Variants in EPHB4 observed in about 807,000 individuals in gnomAD.
EPHB4 encodes ephrin type-B receptor 4.
EPHB4 carries 50 observed loss-of-function variants against 110.6 expected under a neutral mutation model. The observed-to-expected ratio is 0.45, with a 90% confidence interval of 0.36 to 0.57. EPHB4 has a LOEUF of 0.57. Ranked by LOEUF, EPHB4 falls within the 20% of genes least tolerant of loss-of-function variation. The probability of loss-of-function intolerance (pLI) is 0.00; values close to 1 mark genes in which losing one functional copy is unlikely to be tolerated. For missense variants in EPHB4, 1,128 were observed against 1,382.1 expected (o/e 0.82, Z 2.91); for synonymous variants, 592 against 578.4 (o/e 1.02, Z -0.34).
In EPHB4 at chr7:100,819,801, G is replaced by A; in HGVS notation, c.1053C>T (p.Gly351=). ...LEWSAPLESG[G]REDLTYALRC... is the part of the protein sequence containing the mutation. ...GGAGGGCGTAGGTGAGGTCCTCTCG[G>A]CCACCAGACTCCAGGGGGGCACTCC... is the stretch of plus-strand genomic sequence containing the variant. The change falls in exon 6 of 17, where the codon GGC becomes GGT. Residue 351 remains glycine (G), a synonymous_variant. Coordinates refer to ENST00000358173, the MANE Select transcript of EPHB4 (RefSeq NM_004444.5). 6.4e-7 allele frequency: 1 copy of A among 1,567,678 alleles called. No homozygotes were observed.
intron 4 of EPHB4, chr7:100,820,530 C>A (rs573443951): frequency 1.0e-5 from 4 of 383,194 alleles, no homozygotes; most frequent in Non-Finnish European, 1.8e-5. Context: ...GGAAAATGGA[C>A]AAAAGATCTC....
intron 8 of EPHB4, among the ~76,000 whole-genome samples, chr7:100,816,506 A>G (rs1440788061): frequency 6.6e-6 from 1 of 151,838 alleles, no homozygotes; most frequent in African/African-American, 2.4e-5. Flanking sequence ...GCTAACTTCT[A>G]TATTTTTAGT....
chr7:100,827,057 G>C lies in EPHB4; in HGVS notation c.-27C>G, dbSNP rs374017664. On this transcript the variant is annotated 5_prime_UTR_variant, in exon 1 of 17. Coordinates refer to ENST00000358173, the MANE Select transcript of EPHB4 (RefSeq NM_004444.5). ...GCGCCGCCTCACTCGGGTAGGATCCGAACTGAGTTTGGGGGGCCCTCGCCC... is the reference window on the plus strand; with the variant it reads ...GCGCCGCCTCACTCGGGTAGGATCCCAACTGAGTTTGGGGGGCCCTCGCCC... The C allele has an allele frequency of 2.6e-6, 4 of 1,566,872 alleles. No individual in the cohort carries two copies. Among genetic ancestry groups the C allele is most frequent in the Non-Finnish European group, 3.5e-6 (4 of 1,156,222 alleles).
chr7:100,818,693 CCTTAA>C, intron 6 of EPHB4, 49 bp from the exon 7 acceptor site: 2 of 1,553,784 alleles, frequency 1.3e-6, no homozygotes, highest in East Asian at 2.3e-5. Flanking sequence ...TAGCTCTGTC[CCTTAA>C]CTTAAAAAAA....
intron 1 of EPHB4, among the ~76,000 whole-genome samples, chr7:100,826,227 T>C (rs889145551): frequency 1.3e-5 from 2 of 150,722 alleles, no homozygotes; most frequent in African/African-American, 4.9e-5. Flanking sequence ...GACCAGGAGG[T>C]GGGAGATAGA....
In EPHB4 at chr7:100,819,594, G is replaced by C; in HGVS notation, c.1260C>G (p.Val420=). The change falls in exon 6 of 17, where the codon GTC becomes GTG. Residue 420 remains valine, a synonymous_variant. Transcript: ENST00000358173. ...NGVSSLATGP[V]PFEPVNVTTD... is the part of the protein sequence containing the mutation. ...TGGTGACATTGACAGGCTCAAATGGGACGGGCCCCGTGGCTAAGGAGGATA... is the reference window on the plus strand; with the variant it reads ...TGGTGACATTGACAGGCTCAAATGGCACGGGCCCCGTGGCTAAGGAGGATA... 5 of 1,588,700 alleles carry C rather than the reference G, an allele frequency of 3.1e-6. No homozygotes were observed. The highest frequency in any genetic ancestry group is 4.3e-6 in the Non-Finnish European group (5 of 1,161,928).
rs200232840 is a variant in EPHB4, at chr7:100,819,867, G to A, written c.987C>T (p.Ser329=). ...PCTTPPSAPR[S]VVSRLNGSSL... ...AGGAGCCGTTCAGGCGGGAAACCAC[G>A]CTCCGCGGAGCCGAAGGAGGGGCTG... The change falls in exon 6 of 17, where the codon AGC becomes AGT. Residue 329 remains serine (S), a synonymous_variant. Transcript: ENST00000358173. 48 of 1,547,348 alleles carry A rather than the reference G, an allele frequency of 3.1e-5. No individual in the cohort carries two copies. The highest frequency in any genetic ancestry group is 2.9e-4 in the East Asian group (12 of 40,832).
Position 100,822,181 on chromosome 7 carries a change from C to T in EPHB4, c.808+90G>A. 1 of 1,445,792 alleles carries T rather than the reference C, an allele frequency of 6.9e-7. No homozygotes were observed. The highest frequency in any genetic ancestry group is 9.1e-7 in the Non-Finnish European group (1 of 1,095,274). 89.6% of individuals were successfully genotyped at this position (1,445,792 alleles called of 1,614,324 possible). Reference sequence around the variant, plus strand: ...GCCTCCATTTCAACATCTAACTATACAAAATGGAAACTTAAGAAGTGGGTC... The same window carrying T: ...GCCTCCATTTCAACATCTAACTATATAAAATGGAAACTTAAGAAGTGGGTC... On this transcript the variant is annotated intron_variant, in intron 4 of 16. Coordinates refer to ENST00000358173, the MANE Select transcript of EPHB4 (RefSeq NM_004444.5). This position sits in a 1 kb window ranked among gnomAD's most constrained non-coding sequence, Gnocchi z 4.7.
chr7:100,806,590 G>A (rs1390580164), intron 13 of EPHB4, 21 bp from the exon 14 acceptor site: 20 of 1,605,718 alleles, frequency 1.2e-5, no homozygotes, highest in Non-Finnish European at 1.6e-5. Context: ...AGGAGAAAAG[G>A]TGAGCTGGGG....
intron 1 of EPHB4, 154 bp downstream of exon 1, chr7:100,826,825 C>G: frequency 1.3e-6 from 1 of 741,546 alleles, no homozygotes; most frequent in Non-Finnish European, 2.0e-6. Context: ...CTTCCCCGCC[C>G]CCCTCCCGTT....
At chr7:100,825,810 A>G (rs1813371829) in intron 1 of EPHB4, among the ~76,000 whole-genome samples, 1 of 152,154 alleles carries the variant, frequency 6.6e-6, no homozygotes, top group South Asian at 2.1e-4. Context: ...CACAATCACC[A>G]TTTCCTCTTT....
chr7:100,815,054 C>T (rs1182915206), intron 8 of EPHB4, among the ~76,000 whole-genome samples: 1 of 151,946 alleles, frequency 6.6e-6, no homozygotes, highest in Admixed American at 6.6e-5. Context: ...TCCAGTGGCT[C>T]ATGCCTGTAA....
chr7:100,819,756 G>T lies in EPHB4; in HGVS notation c.1098C>A (p.Pro366=), dbSNP rs375470820. 2 of 1,604,180 alleles carry T rather than the reference G, an allele frequency of 1.2e-6. No homozygotes were observed. Among genetic ancestry groups the T allele is most frequent in the South Asian group, 1.1e-5 (1 of 90,248 alleles). ...TYALRCRECR[P]GGSCAPCGGD... ...CCCCGCAGGGCGCACAGGAGCCTCC[G>T]GGTCGGCACTCCCGGCAGCGGAGGG... Residue 366 remains proline (P), a synonymous_variant, in exon 6 of 17, where the codon CCC becomes CCA. Coordinates refer to ENST00000358173, the MANE Select transcript of EPHB4 (RefSeq NM_004444.5).
intron 12 of EPHB4, among the ~76,000 whole-genome samples, chr7:100,810,606 G>A (rs1452699880): frequency 2.0e-5 from 3 of 152,000 alleles, no homozygotes; most frequent in Non-Finnish European, 4.4e-5. Flanking sequence ...AGCCAGGTGT[G>A]GTGGTGTGCA....
chr7:100,826,039 T>A (rs1453952815), intron 1 of EPHB4, among the ~76,000 whole-genome samples: 1 of 152,136 alleles, frequency 6.6e-6, no homozygotes, highest in African/African-American at 2.4e-5. Flanking sequence ...AATCCTTCCC[T>A]TTGGGAGTCC....
chr7:100,827,087 A>T lies in EPHB4; in HGVS notation c.-57T>A. 1 of 1,537,680 alleles carries T rather than the reference A, an allele frequency of 6.5e-7. No individual in the cohort carries two copies. The highest frequency in any genetic ancestry group is 8.8e-7 in the Non-Finnish European group (1 of 1,137,720). On this transcript the variant is annotated 5_prime_UTR_variant, in exon 1 of 17. Transcript: ENST00000358173. ...GAGTTTGGGGGGCCCTCGCCCCCCC[A>T]GGTCTGACTCTCCCTGGGCGGGTGG... is the stretch of plus-strand genomic sequence containing the variant.
intron 16 of EPHB4, 97 bp downstream of exon 16, chr7:100,805,069 C>A: frequency 3.5e-6 from 5 of 1,433,548 alleles, no homozygotes; most frequent in Non-Finnish European, 4.7e-6. Flanking sequence ...ACAGCATTGG[C>A]ACCCGAAGCT....
chr7:100,813,064 C>G, intron 11 of EPHB4, 31 bp downstream of exon 11: 1 of 1,613,052 alleles, frequency 6.2e-7, no homozygotes, highest in East Asian at 2.2e-5. Context: ...CCGCTTCGTT[C>G]CCAGGTGCCC....
chr7:100,813,303 G>A (rs1393921902), intron 10 of EPHB4, 95 bp from the exon 11 acceptor site: 35 of 733,320 alleles, frequency 4.8e-5, no homozygotes, highest in African/African-American at 5.9e-5. Context: ...CCCTGTCTCC[G>A]TGGTTTTTTT....
Sources: allele counts gnomAD v4.1 joint callset (sites outside exome capture counted in the v4.1 genomes callset), GRCh38; gene constraint gnomAD v4.1.1; non-coding constraint Gnocchi (gnomAD v3.1); transcripts MANE v1.5; gene names NCBI Gene and HGNC (gene_info 2026-07-23, HGNC 2026-07-21).